The following SLC2A9 variants were observed in gnomAD, a reference collection of about 807,000 sequenced individuals.
The protein encoded by SLC2A9 is solute carrier family 2 member 9.
Under a neutral mutation model 50.6 loss-of-function variants are expected in SLC2A9, and 39 were observed. The observed-to-expected ratio is 0.77, with a 90% CI of 0.60 to 1.01. The LOEUF is 1.01. SLC2A9 is among the 50% of genes least tolerant of loss of function. The pLI is 0.00. For synonymous variants in SLC2A9, 324 were observed against 276.9 expected (o/e 1.17, Z -1.69); for missense variants, 686 against 677.6 (o/e 1.01, Z -0.14).
chr4:9,884,488 C>A (rs912520622), intron 10 of SLC2A9, among the ~76,000 whole-genome samples: 1 of 151,532 alleles, frequency 6.6e-6, no homozygotes, highest in Non-Finnish European at 1.5e-5. Flanking sequence ...AGATACAAGA[C>A]CATTTTTTGG....
At chr4:9,994,309 T>A (rs533330409) in intron 3 of SLC2A9, among the ~76,000 whole-genome samples, 1 of 151,902 alleles carries the variant, frequency 6.6e-6, no homozygotes, top group Non-Finnish European at 1.5e-5. Context: ...AGGCAGGAGG[T>A]CAATAGATGG....
At chr4:9,830,829 A>G (rs1397514882) in intron 11 of SLC2A9, among the ~76,000 whole-genome samples, 1 of 152,178 alleles carries the variant, frequency 6.6e-6, no homozygotes, top group Non-Finnish European at 1.5e-5. Context: ...TGCCAACAGG[A>G]TCCCAGAGCC....
intron 10 of SLC2A9, among the ~76,000 whole-genome samples, chr4:9,836,416 G>A (rs564784128): frequency 6.6e-6 from 1 of 152,334 alleles, no homozygotes; most frequent in South Asian, 2.1e-4. Flanking sequence ...GGGTGGAGAA[G>A]GATGCTCTGG....
chr4:9,999,831 G>A (rs538823452), intron 2 of SLC2A9, among the ~76,000 whole-genome samples: 59 of 152,260 alleles, frequency 3.9e-4, no homozygotes, highest in Non-Finnish European at 7.8e-4. Flanking sequence ...AGGCACACTT[G>A]GGGGGCACTG....
intron 10 of SLC2A9, among the ~76,000 whole-genome samples, chr4:9,862,229 G>T (rs760218397): frequency 6.6e-6 from 1 of 152,144 alleles, no homozygotes; most frequent in Middle Eastern, 3.4e-3. Context: ...ATGCTTATAG[G>T]TCTGGAGCTT....
chr4:10,005,194 C>T (rs1760562565), intron 2 of SLC2A9, among the ~76,000 whole-genome samples: 1 of 152,126 alleles, frequency 6.6e-6, no homozygotes, highest in Admixed American at 6.5e-5. Flanking sequence ...AATAGGAAGC[C>T]AAGAAAGGCT....
chr4:10,024,809 G>A (rs1251382058), upstream of SLC2A9, among the ~76,000 whole-genome samples: 4 of 152,176 alleles, frequency 2.6e-5, no homozygotes, highest in African/African-American at 7.2e-5. Context: ...TTTCTAGCAG[G>A]GAAGAGTTGG....
intron 6 of SLC2A9, among the ~76,000 whole-genome samples, chr4:9,939,904 A>C (rs1007783626): frequency 1.7e-4 from 26 of 152,158 alleles, no homozygotes; most frequent in African/African-American, 5.8e-4. Context: ...TACAGATGAA[A>C]ATTTCAATAA....
intron 5 of SLC2A9, among the ~76,000 whole-genome samples, chr4:9,977,277 G>A (rs34707376): frequency 0.063 from 9,544 of 152,180 alleles, 633 homozygotes; most frequent in East Asian, 0.38. Context: ...CAGGTGGGAC[G>A]TTTTTTGTTT....
rs901171332 is a variant in SLC2A9 at position 9,908,339 on chromosome 4, A to T, written c.1009T>A (p.Phe337Ile). The T allele has an allele frequency of 9.4e-6, 15 of 1,600,494 alleles. No homozygotes were observed. The highest frequency in any genetic ancestry group is 1.3e-5 in the Non-Finnish European group (15 of 1,167,336). Residue 337 changes from phenylalanine (F) to isoleucine (I), a missense_variant, in exon 8 of 12, where the codon TTC (phenylalanine) becomes ATC (isoleucine). Physicochemically the swap from Phe to Ile is conservative, Grantham distance 21. Transcript: ENST00000264784. ...YQLCGLNAIW[F>I]YTNSIFGKAG... ...TTTCCAAAGATGCTGTTGGTATAGA[A>T]CCAAATCTGTAATTCAGGAAAGAAT... is the stretch of plus-strand genomic sequence containing the variant.
At chr4:9,834,487 G>C (rs796889922) in intron 11 of SLC2A9, among the ~76,000 whole-genome samples, 5 of 152,326 alleles carry the variant, frequency 3.3e-5, no homozygotes, top group African/African-American at 1.2e-4. Flanking sequence ...CTGTGGTTAT[G>C]ATGATGACAA....
chr4:9,809,453 G>A (rs1276248350), intron 3 of SLC2A9, among the ~76,000 whole-genome samples: 8 of 152,164 alleles, frequency 5.3e-5, no homozygotes, highest in Admixed American at 1.3e-4. Context: ...ACCACAGGGC[G>A]CCTGACTCTA....
intron 5 of SLC2A9, among the ~76,000 whole-genome samples, chr4:9,943,894 G>T (rs555095473): frequency 6.6e-6 from 1 of 152,134 alleles, no homozygotes; most frequent in African/African-American, 2.4e-5. Context: ...TCCTTCCACC[G>T]CACAGCCGCC....
chr4:9,833,587 A>G (rs1250013181), intron 11 of SLC2A9, among the ~76,000 whole-genome samples: 1 of 152,188 alleles, frequency 6.6e-6, no homozygotes, highest in Non-Finnish European at 1.5e-5. Flanking sequence ...ACTGCTCCGT[A>G]ACTGTGAATG....
At chr4:9,997,617 T>C (rs1758928958) in intron 2 of SLC2A9, among the ~76,000 whole-genome samples, 1 of 152,128 alleles carries the variant, frequency 6.6e-6, no homozygotes, top group East Asian at 1.9e-4. Flanking sequence ...TGAGAATCTC[T>C]TGGACCCAGG....
At chr4:9,865,617 T>C (rs541113784) in intron 10 of SLC2A9, among the ~76,000 whole-genome samples, 1 of 152,332 alleles carries the variant, frequency 6.6e-6, no homozygotes, top group South Asian at 2.1e-4. Context: ...ATAGTTCTTC[T>C]TGCATAATAG....
At chr4:9,981,731 C>A (rs1755914691) in intron 4 of SLC2A9, among the ~76,000 whole-genome samples, 1 of 152,090 alleles carries the variant, frequency 6.6e-6, no homozygotes, top group Non-Finnish European at 1.5e-5. Flanking sequence ...TAGTTTTTTT[C>A]TCTAAACCTT....
At chr4:9,862,804 C>T (rs1055772799) in intron 10 of SLC2A9, among the ~76,000 whole-genome samples, 1 of 152,038 alleles carries the variant, frequency 6.6e-6, no homozygotes, top group Non-Finnish European at 1.5e-5. Flanking sequence ...GTCAGTAATC[C>T]TCAATATTTA....
At chr4:9,979,322 G>A (rs1055632279) in intron 5 of SLC2A9, among the ~76,000 whole-genome samples, 13 of 152,266 alleles carry the variant, frequency 8.5e-5, no homozygotes, top group South Asian at 8.3e-4. Flanking sequence ...TAGGACGTGC[G>A]AATTTGTTAT....
Sources: allele counts gnomAD v4.1 joint callset (sites outside exome capture counted in the v4.1 genomes callset), GRCh38; gene constraint gnomAD v4.1.1; transcripts MANE v1.5; gene names NCBI Gene and HGNC (gene_info 2026-07-23, HGNC 2026-07-21).